The following LSAMP variants were observed in gnomAD, a reference collection of about 807,000 sequenced individuals.
LSAMP encodes limbic system-associated membrane protein.
Under a neutral mutation model 38.6 loss-of-function variants are expected in LSAMP, and 7 were observed. That is an observed-to-expected ratio of 0.18 (90% CI 0.10 to 0.34). The LOEUF is 0.34. LSAMP is among the 10% of genes least tolerant of loss of function. The probability of loss-of-function intolerance (pLI) is 1.00; values close to 1 mark genes in which losing one functional copy is unlikely to be tolerated. For missense variants in LSAMP, 313 were observed against 420.0 expected, an observed-to-expected ratio of 0.75 and a Z score of 2.23; for synonymous variants, 154 against 166.8, an observed-to-expected ratio of 0.92 and a Z score of 0.59.
chr3:116,083,052 C>T (rs560283639), intron 2 of LSAMP, among the ~76,000 whole-genome samples: 1 of 152,022 alleles, frequency 6.6e-6, no homozygotes, highest in Non-Finnish European at 1.5e-5. Flanking sequence ...CTCTAGAATC[C>T]TAAGGAAGTA....
intron 1 of LSAMP, among the ~76,000 whole-genome samples, chr3:116,409,231 G>T (rs1245771645): frequency 6.6e-6 from 1 of 152,028 alleles, no homozygotes; most frequent in Non-Finnish European, 1.5e-5. Context: ...ATGTAAGTCT[G>T]GTGTGGGCAA....
chr3:116,223,639 C>A (rs1576443990), intron 1 of LSAMP, among the ~76,000 whole-genome samples: 1 of 152,098 alleles, frequency 6.6e-6, no homozygotes, highest in Admixed American at 6.5e-5. Flanking sequence ...GTGAAACTTA[C>A]AGTTTTTATT....
At chr3:116,014,850 C>T (rs1358204822) in intron 3 of LSAMP, among the ~76,000 whole-genome samples, 1 of 152,166 alleles carries the variant, frequency 6.6e-6, no homozygotes, top group Non-Finnish European at 1.5e-5. Flanking sequence ...ATATTTCTCT[C>T]AAACCCATGA....
At chr3:116,218,365 A>C (rs2046244790) in intron 1 of LSAMP, among the ~76,000 whole-genome samples, 1 of 152,228 alleles carries the variant, frequency 6.6e-6, no homozygotes, top group South Asian at 2.1e-4. Context: ...ATTCTGTTTT[A>C]GAAAGTACAG....
chr3:116,428,628 A>C (rs2049236674), intron 1 of LSAMP, among the ~76,000 whole-genome samples: 1 of 152,100 alleles, frequency 6.6e-6, no homozygotes, highest in Non-Finnish European at 1.5e-5. Context: ...GTGTATATGG[A>C]AGTTTGGAAC....
chr3:115,898,749 C>T (rs1936795274), intron 3 of LSAMP, among the ~76,000 whole-genome samples: 1 of 152,020 alleles, frequency 6.6e-6, no homozygotes, highest in Admixed American at 6.6e-5. Context: ...TAGCAGAAAG[C>T]TCAAAGATGG....
At chr3:116,274,767 G>T (rs892504893) in intron 1 of LSAMP, among the ~76,000 whole-genome samples, 4 of 151,378 alleles carry the variant, frequency 2.6e-5, no homozygotes, top group Non-Finnish European at 5.9e-5. Flanking sequence ...CTAGGCAAAA[G>T]GTTTTGTGCC....
At chr3:116,430,905 T>C (rs960598516) in intron 1 of LSAMP, among the ~76,000 whole-genome samples, 1 of 152,076 alleles carries the variant, frequency 6.6e-6, no homozygotes, top group East Asian at 1.9e-4. Flanking sequence ...TAAACTACCA[T>C]ATTTTTTCTT....
intron 6 of LSAMP, among the ~76,000 whole-genome samples, chr3:115,815,616 G>A (rs1933993126): frequency 2.6e-5 from 4 of 152,176 alleles, no homozygotes; most frequent in Admixed American, 2.6e-4. Flanking sequence ...GACACTGGCA[G>A]TTTATTTTGT....
chr3:116,204,385 T>C (rs2046034373), intron 1 of LSAMP, among the ~76,000 whole-genome samples: 1 of 152,208 alleles, frequency 6.6e-6, no homozygotes, highest in South Asian at 2.1e-4. Context: ...TCTTTTGCTG[T>C]GCAGAAGCTC....
chr3:116,138,235 T>C (rs936824726), intron 1 of LSAMP, among the ~76,000 whole-genome samples: 4 of 152,116 alleles, frequency 2.6e-5, no homozygotes, highest in African/African-American at 7.2e-5. Context: ...ATGCGGCTTT[T>C]AGTCATTCAA....
intron 1 of LSAMP, among the ~76,000 whole-genome samples, chr3:116,153,776 C>T (rs1192884009): frequency 6.6e-6 from 1 of 152,028 alleles, no homozygotes; most frequent in African/African-American, 2.4e-5. Context: ...TACTTAGCAA[C>T]TACTCATTTA....
rs138494510 is a variant in LSAMP at position 116,080,247 on chromosome 3, ATTAG to A, written c.388+6073_388+6076del. On this transcript the variant is annotated intron_variant, in intron 2 of 6. Coordinates refer to ENST00000490035, the MANE Select transcript of LSAMP (RefSeq NM_002338.5). ...ATTCAAGATTTAAGTATAGGTGAAT[ATTAG>A]TTAATCTCTGTCTTCAAGTAACTTT... Among the ~76,000 whole-genome samples, 440 of 152,320 alleles carry A rather than the reference ATTAG, an allele frequency of 2.9e-3. 6 individuals are homozygous for A. Among genetic ancestry groups the A allele is most frequent in the African/African-American group, 9.6e-3 (399 of 41,586 alleles).
chr3:116,305,632 A>G (rs1222604158), intron 1 of LSAMP, among the ~76,000 whole-genome samples: 2 of 152,132 alleles, frequency 1.3e-5, no homozygotes, highest in East Asian at 3.8e-4. Context: ...AAGTGCAAAT[A>G]TCAAAACACA....
chr3:116,056,356 T>C (rs1301078247), intron 2 of LSAMP, among the ~76,000 whole-genome samples: 1 of 152,138 alleles, frequency 6.6e-6, no homozygotes, highest in Non-Finnish European at 1.5e-5. Flanking sequence ...TTCTCTTCTG[T>C]GATCAAATAT....
chr3:116,064,323 C>T (rs1324283536), intron 2 of LSAMP, among the ~76,000 whole-genome samples: 5 of 151,972 alleles, frequency 3.3e-5, no homozygotes, highest in Admixed American at 3.3e-4. Flanking sequence ...GTCAGGAGTT[C>T]GAGACCAGCC....
intron 2 of LSAMP, among the ~76,000 whole-genome samples, chr3:116,027,017 T>A (rs574493617): frequency 5.9e-5 from 9 of 152,234 alleles, no homozygotes; most frequent in Non-Finnish European, 1.0e-4. Flanking sequence ...TAGTTAAATA[T>A]AAATTTTTGA....
chr3:116,024,216 G>A (rs571841723), intron 2 of LSAMP, among the ~76,000 whole-genome samples: 1 of 151,986 alleles, frequency 6.6e-6, no homozygotes, highest in East Asian at 1.9e-4. Context: ...ACTGTAAGAC[G>A]CACAGTGTTT....
intron 1 of LSAMP, among the ~76,000 whole-genome samples, chr3:116,137,075 T>C (rs1043731717): frequency 1.3e-5 from 2 of 152,116 alleles, no homozygotes; most frequent in African/African-American, 4.8e-5. Flanking sequence ...ATCCTTGGTG[T>C]TCCTGGTGTA....
Sources: allele counts gnomAD v4.1 joint callset (sites outside exome capture counted in the v4.1 genomes callset), GRCh38; gene constraint gnomAD v4.1.1; transcripts MANE v1.5; gene names NCBI Gene and HGNC (gene_info 2026-07-23, HGNC 2026-07-21).